Variants in SAMD5 observed in about 807,000 individuals in gnomAD.
SAMD5 encodes sterile alpha motif domain containing 5, also known as sterile alpha motif domain-containing protein 5.
A neutral mutation model predicts 11.3 loss-of-function variants in SAMD5; 13 were observed. The ratio of observed to expected loss-of-function variants is 1.15; its 90% CI spans 0.75 to 1.83. The LOEUF (loss-of-function observed/expected upper bound fraction) is 1.83. Ranked by LOEUF, SAMD5 falls within the 40% of genes most tolerant of loss-of-function variation. The pLI is 0.00. For synonymous variants in SAMD5, 129 were observed against 111.3 expected, an observed-to-expected ratio of 1.16 and a Z score of -1.00; for missense variants, 255 against 239.1, an observed-to-expected ratio of 1.07 and a Z score of -0.44.
chr6:147,516,849 G>C (rs988925238), intron 1 of SAMD5, among the ~76,000 whole-genome samples: 1 of 152,164 alleles, frequency 6.6e-6, no homozygotes, highest in Non-Finnish European at 1.5e-5. Context: ...AAAATTAGCA[G>C]CTTTGGGGTC....
the SAMD5 span, among the ~76,000 whole-genome samples, chr6:147,840,304 A>C: frequency 6.6e-6 from 1 of 152,230 alleles, no homozygotes; most frequent in Non-Finnish European, 1.5e-5. Flanking sequence ...TACTGTGTAC[A>C]AGGCACTGTG....
the SAMD5 span, among the ~76,000 whole-genome samples, chr6:147,885,137 T>C: frequency 1.3e-5 from 2 of 152,202 alleles, no homozygotes; most frequent in African/African-American, 4.8e-5. Context: ...CTTTTGTCTC[T>C]CAGATGGATC....
intron 1 of SAMD5, among the ~76,000 whole-genome samples, chr6:147,561,894 A>G (rs1479679364): frequency 6.6e-6 from 1 of 152,210 alleles, no homozygotes; most frequent in African/African-American, 2.4e-5. Context: ...TCATGAAGCA[A>G]CATATGCTCC....
intron 1 of SAMD5, among the ~76,000 whole-genome samples, chr6:147,724,221 C>A (rs12204781): frequency 6.6e-6 from 1 of 152,096 alleles, no homozygotes; most frequent in Non-Finnish European, 1.5e-5. Flanking sequence ...TCCTCCTCAA[C>A]GGTTCAAGCG....
chr6:147,572,333 T>A (rs189742173), downstream of SAMD5, among the ~76,000 whole-genome samples: 967 of 152,358 alleles, frequency 6.3e-3, 5 homozygotes, highest in Non-Finnish European at 0.01. Context: ...TTTGTTATTA[T>A]TCAGATTTTC....
At chr6:147,944,023 C>A in the SAMD5 span, among the ~76,000 whole-genome samples, 1 of 152,080 alleles carries the variant, frequency 6.6e-6, no homozygotes, top group Non-Finnish European at 1.5e-5. Flanking sequence ...ATGGGGATAC[C>A]AAGGAAGCTA....
chr6:147,740,793 A>C (rs1200812319), downstream of SAMD5, among the ~76,000 whole-genome samples: 1 of 152,242 alleles, frequency 6.6e-6, no homozygotes. Context: ...TGAATTGCAT[A>C]ATGTACCATG....
At chr6:147,553,461 TTC>T (rs1012963617) in intron 1 of SAMD5, among the ~76,000 whole-genome samples, 1 of 152,130 alleles carries the variant, frequency 6.6e-6, no homozygotes, top group African/African-American at 2.4e-5. Context: ...CCAAATTGTT[TTC>T]TCTCTTTCTG....
chr6:147,790,960 T>C, the SAMD5 span, among the ~76,000 whole-genome samples: 1 of 152,082 alleles, frequency 6.6e-6, no homozygotes, highest in East Asian at 1.9e-4. Flanking sequence ...ATTGTGTGTG[T>C]ATGTAAAAAC....
the SAMD5 span, among the ~76,000 whole-genome samples, chr6:147,884,960 G>C: frequency 1.3e-5 from 2 of 152,230 alleles, no homozygotes; most frequent in African/African-American, 4.8e-5. Context: ...ATCTCAGACA[G>C]TGTAGCTTCC....
the SAMD5 span, among the ~76,000 whole-genome samples, chr6:147,886,483 T>C: frequency 2.7e-4 from 41 of 151,788 alleles, 1 homozygote; most frequent in African/African-American, 8.9e-4. Context: ...CTCTGCCTCT[T>C]GGTGGTCCTG....
chr6:147,802,170 G>A, the SAMD5 span, among the ~76,000 whole-genome samples: 1 of 152,144 alleles, frequency 6.6e-6, no homozygotes, highest in African/African-American at 2.4e-5. Flanking sequence ...CAAGGGACGT[G>A]TATCTAGAAT....
At position 147,711,379 on chromosome 6, in the gene SAMD5, C is replaced by A. The variant is rs551543367; in HGVS notation, c.163-25938C>A. 8.5e-5 allele frequency among the ~76,000 whole-genome samples: 13 copies of A among 152,204 alleles called. No homozygotes were observed. In the East Asian group the frequency reaches 1.5e-3, roughly 18 times the overall value. ...TCCCATTTCTAGCCATATCATGGGA[C>A]AGATAAAGATGTCATATAATCACCT... On this transcript the variant is annotated intron_variant, in intron 1 of 1. Transcript: ENST00000566741. The surrounding 1 kb of genome is among the most constrained non-coding windows in gnomAD (Gnocchi z 4.1).
intron 1 of SAMD5, among the ~76,000 whole-genome samples, chr6:147,656,806 A>G (rs771720630): frequency 1.3e-5 from 2 of 152,146 alleles, no homozygotes; most frequent in Non-Finnish European, 2.9e-5. Flanking sequence ...GATTGGCAAT[A>G]TGTAACAAAA....
intron 1 of SAMD5, among the ~76,000 whole-genome samples, chr6:147,633,829 A>T (rs142524534): frequency 6.6e-6 from 1 of 151,932 alleles, no homozygotes. Flanking sequence ...ACTGAGATAG[A>T]ATTCACATAC....
At chr6:147,821,457 C>CCTGA in the SAMD5 span, among the ~76,000 whole-genome samples, 1 of 152,214 alleles carries the variant, frequency 6.6e-6, no homozygotes, top group Admixed American at 6.5e-5. Flanking sequence ...CGACCAGCAA[C>CCTGA]CTGACAGTCA....
At chr6:147,760,548 A>G in the SAMD5 span, among the ~76,000 whole-genome samples, 2 of 152,166 alleles carry the variant, frequency 1.3e-5, no homozygotes, top group Admixed American at 6.5e-5. Context: ...GTTACTTGCT[A>G]TAGTTTCTCC....
chr6:147,821,987 A>C, the SAMD5 span, among the ~76,000 whole-genome samples: 4 of 152,148 alleles, frequency 2.6e-5, no homozygotes, highest in Non-Finnish European at 4.4e-5. Context: ...AAAAGAAAAA[A>C]TTTGGGCATC....
At chr6:147,783,348 T>G in the SAMD5 span, among the ~76,000 whole-genome samples, 4 of 148,394 alleles carry the variant, frequency 2.7e-5, no homozygotes, top group African/African-American at 7.5e-5. Context: ...TAAAATCTAC[T>G]CCTTTGTGAA....
Sources: gnomAD v4.1 joint callset for allele counts (sites outside exome capture counted in the v4.1 genomes callset) on GRCh38, gnomAD v4.1.1 for gene constraint, Gnocchi (gnomAD v3.1) non-coding constraint, MANE v1.5 for transcripts, NCBI Gene and HGNC (gene_info 2026-07-23, HGNC 2026-07-21) for gene names.